Variants in MAGI2 observed in about 807,000 individuals in gnomAD.
MAGI2 encodes the protein membrane associated guanylate kinase, WW and PDZ domain containing 2.
A neutral mutation model predicts 133.3 loss-of-function variants in MAGI2; 35 were observed. The observed-to-expected ratio is 0.26, with a 90% CI of 0.20 to 0.35. The LOEUF (loss-of-function observed/expected upper bound fraction) is 0.35. MAGI2 is among the 10% of genes least tolerant of loss of function. MAGI2 has a pLI of 1.00. For synonymous variants in MAGI2, 729 were observed against 710.6 expected (o/e 1.03, Z -0.41); for missense variants, 1,636 against 1,863.4 (o/e 0.88, Z 2.25).
At chr7:78,909,460 A>G (rs1563652139) in intron 2 of MAGI2, among the ~76,000 whole-genome samples, 4 of 150,798 alleles carry the variant, frequency 2.7e-5, no homozygotes, top group Admixed American at 2.0e-4. Context: ...AAAATTAGCC[A>G]GGCGTGGTGG....
chr7:79,133,496 T>C (rs1480505420), intron 1 of MAGI2, among the ~76,000 whole-genome samples: 1 of 152,216 alleles, frequency 6.6e-6, no homozygotes, highest in African/African-American at 2.4e-5. Context: ...CTCTGTTCTG[T>C]TCCATTGTCC....
intron 1 of MAGI2, among the ~76,000 whole-genome samples, chr7:79,213,105 T>C (rs549320831): frequency 1.3e-5 from 2 of 152,092 alleles, no homozygotes; most frequent in Admixed American, 1.3e-4. Flanking sequence ...TGGTCATTTC[T>C]GGGATTTTTT....
intron 6 of MAGI2, among the ~76,000 whole-genome samples, chr7:78,465,684 C>T (rs987557471): frequency 6.6e-6 from 1 of 152,140 alleles, no homozygotes; most frequent in Non-Finnish European, 1.5e-5. Flanking sequence ...GAAAGAGGCT[C>T]TAAATGGGAG....
At chr7:78,493,103 A>G (rs904104253) in intron 5 of MAGI2, among the ~76,000 whole-genome samples, 2 of 152,184 alleles carry the variant, frequency 1.3e-5, no homozygotes, top group African/African-American at 2.4e-5. Flanking sequence ...GTTAAACTAA[A>G]CACTGGGTCT....
intron 2 of MAGI2, among the ~76,000 whole-genome samples, chr7:78,669,481 C>A (rs1363311467): frequency 7.2e-5 from 11 of 152,148 alleles, no homozygotes; most frequent in African/African-American, 2.7e-4. Context: ...CAGCCAAATT[C>A]TACCAGAGGT....
chr7:78,418,432 A>G (rs1798493677), intron 6 of MAGI2, among the ~76,000 whole-genome samples: 1 of 152,102 alleles, frequency 6.6e-6, no homozygotes. Flanking sequence ...CTGAAAGGAG[A>G]ACAGTGGTAA....
intron 12 of MAGI2, among the ~76,000 whole-genome samples, chr7:78,190,368 C>T (rs1828085456): frequency 6.6e-6 from 1 of 152,142 alleles, no homozygotes; most frequent in African/African-American, 2.4e-5. Flanking sequence ...GTAGGTATTA[C>T]ACTTTTTATT....
intron 2 of MAGI2, among the ~76,000 whole-genome samples, chr7:78,909,450 A>C (rs1798231378): frequency 1.3e-5 from 2 of 151,140 alleles, no homozygotes; most frequent in African/African-American, 4.9e-5. Context: ...AAAAACAAAA[A>C]AAATTAGCCA....
chr7:78,345,695 C>T, intron 8 of MAGI2: 1 of 514,292 alleles, frequency 1.9e-6, no homozygotes, highest in Non-Finnish European at 3.4e-6. Context: ...CACGTGGTGA[C>T]ATGCTGTACA....
intron 5 of MAGI2, among the ~76,000 whole-genome samples, chr7:78,494,775 T>C (rs1793935150): frequency 6.6e-6 from 1 of 152,186 alleles, no homozygotes; most frequent in Non-Finnish European, 1.5e-5. Context: ...ATTCCTTTCC[T>C]TTGCTCCGTT....
intron 14 of MAGI2, among the ~76,000 whole-genome samples, chr7:78,177,054 C>A (rs531219786): frequency 6.6e-6 from 1 of 151,448 alleles, no homozygotes; most frequent in East Asian, 1.9e-4. Flanking sequence ...AATGCCAAGA[C>A]CTTTATATAT....
chr7:78,422,130 A>T (rs1480431714), intron 6 of MAGI2, among the ~76,000 whole-genome samples: 1 of 152,164 alleles, frequency 6.6e-6, no homozygotes, highest in Non-Finnish European at 1.5e-5. Flanking sequence ...TGAGGATGCC[A>T]TTAGGGAGAA....
At chr7:79,188,097 T>C (rs1020526743) in intron 1 of MAGI2, among the ~76,000 whole-genome samples, 1 of 151,852 alleles carries the variant, frequency 6.6e-6, no homozygotes, top group African/African-American at 2.4e-5. Context: ...CTCTTTACCA[T>C]ATTAAGCATC....
At position 78,035,403 on chromosome 7, in the gene MAGI2, T is replaced by G. The variant is rs143657527; in HGVS notation, c.3707-15427A>C. On this transcript the variant is annotated intron_variant, in intron 21 of 21. Coordinates refer to ENST00000354212, the MANE Select transcript of MAGI2 (RefSeq NM_012301.4). ...CCAAGAGAGCCTCAGGGCTCCAGCT[T>G]GTGTGATGGTGGATGGTGATGCCAT... Among the ~76,000 whole-genome samples the G allele has an allele frequency of 3.8e-3, 526 of 137,488 alleles. 3 individuals carry two copies. The highest frequency in any genetic ancestry group is 0.014 in the African/African-American group (506 of 37,222). The allele number at this position is 137,488 out of a possible 152,430, so 90.2% of individuals were successfully genotyped here. A position where few individuals can be genotyped will look rare whatever the true frequency, so the allele number is the denominator to read the frequency against.
chr7:78,567,411 C>A (rs921475661), intron 3 of MAGI2, among the ~76,000 whole-genome samples: 2 of 152,038 alleles, frequency 1.3e-5, no homozygotes, highest in Non-Finnish European at 2.9e-5. Flanking sequence ...CACACACACA[C>A]ACACACACAA....
chr7:78,749,128 G>A (rs1823212326), intron 2 of MAGI2, among the ~76,000 whole-genome samples: 1 of 152,158 alleles, frequency 6.6e-6, no homozygotes, highest in African/African-American at 2.4e-5. Context: ...GTTAAATGAT[G>A]CCAATGTTCA....
intron 1 of MAGI2, among the ~76,000 whole-genome samples, chr7:79,263,848 A>C (rs1470937152): frequency 6.6e-6 from 1 of 152,224 alleles, no homozygotes; most frequent in African/African-American, 2.4e-5. Context: ...TTACATTGAT[A>C]TTTTGTGTTT....
At chr7:79,105,872 T>G (rs1225131032) in intron 1 of MAGI2, among the ~76,000 whole-genome samples, 4 of 152,066 alleles carry the variant, frequency 2.6e-5, no homozygotes, top group Non-Finnish European at 4.4e-5. Flanking sequence ...TTAAGCAGAC[T>G]TTCAGAGTCA....
At chr7:78,842,485 T>C (rs184713266) in intron 2 of MAGI2, among the ~76,000 whole-genome samples, 111 of 152,124 alleles carry the variant, frequency 7.3e-4, no homozygotes, top group African/African-American at 2.4e-3. Flanking sequence ...ATAATACCTG[T>C]ATAATTTCTA....
Sources: gnomAD v4.1 joint callset for allele counts (sites outside exome capture counted in the v4.1 genomes callset) on GRCh38, gnomAD v4.1.1 for gene constraint, MANE v1.5 for transcripts, NCBI Gene and HGNC (gene_info 2026-07-23, HGNC 2026-07-21) for gene names.